CNTN3: variants seen among roughly 807,000 people sequenced by gnomAD.
CNTN3 encodes contactin 3, also known as contactin-3.
CNTN3 carries 60 observed loss-of-function variants against 119.1 expected under a neutral mutation model. That is an observed-to-expected ratio of 0.50 (90% CI 0.41 to 0.62). The LOEUF (loss-of-function observed/expected upper bound fraction) is 0.62, where lower values mean the gene tolerates loss of function less well. Among genes scored for constraint, CNTN3 ranks in the 20% least tolerant of loss-of-function variants. CNTN3 has a pLI of 0.00. For missense variants in CNTN3, 1,101 were observed against 1,242.4 expected, an observed-to-expected ratio of 0.89 and a Z score of 1.71; for synonymous variants, 450 against 438.7, an observed-to-expected ratio of 1.03 and a Z score of -0.32.
At chr3:74,335,745 C>T (rs1703377346) in intron 12 of CNTN3, among the ~76,000 whole-genome samples, 1 of 152,080 alleles carries the variant, frequency 6.6e-6, no homozygotes, top group African/African-American at 2.4e-5. Flanking sequence ...TGCAGCCACT[C>T]CACTTTTCAA....
intron 13 of CNTN3, among the ~76,000 whole-genome samples, chr3:74,303,655 C>T (rs921789939): frequency 1.3e-5 from 2 of 152,134 alleles, no homozygotes; most frequent in African/African-American, 4.8e-5. Flanking sequence ...ATCAAGATCA[C>T]ACCACTGCAC....
chr3:74,320,686 C>A (rs572032847), intron 13 of CNTN3, among the ~76,000 whole-genome samples: 137 of 152,058 alleles, frequency 9.0e-4, no homozygotes, highest in African/African-American at 2.9e-3. Flanking sequence ...ACAACAACAA[C>A]AAAAAATTCA....
At chr3:74,410,387 C>G (rs1301835984) in intron 5 of CNTN3, among the ~76,000 whole-genome samples, 2 of 152,140 alleles carry the variant, frequency 1.3e-5, no homozygotes, top group Non-Finnish European at 2.9e-5. Flanking sequence ...ATGTGAGTAT[C>G]TGTAAATGGT....
intron 1 of CNTN3, among the ~76,000 whole-genome samples, chr3:74,564,851 A>G (rs954404947): frequency 9.9e-5 from 15 of 152,166 alleles, no homozygotes; most frequent in African/African-American, 3.6e-4. Flanking sequence ...CTTGCAATTA[A>G]GAACTCCAAA....
chr3:74,349,681 TG>T (rs1453904635), intron 11 of CNTN3, among the ~76,000 whole-genome samples: 4 of 152,226 alleles, frequency 2.6e-5, no homozygotes, highest in Non-Finnish European at 1.5e-5. Flanking sequence ...AAAAGTAGCA[TG>T]TAATGATATT....
chr3:74,528,888 A>G (rs1703656462), intron 1 of CNTN3, among the ~76,000 whole-genome samples: 1 of 151,902 alleles, frequency 6.6e-6, no homozygotes, highest in Non-Finnish European at 1.5e-5. Flanking sequence ...CACCATCCCT[A>G]TAATAGGCAC....
intron 13 of CNTN3, among the ~76,000 whole-genome samples, chr3:74,318,749 G>A (rs1316623049): frequency 6.6e-6 from 1 of 152,070 alleles, no homozygotes; most frequent in East Asian, 1.9e-4. Flanking sequence ...GGCCATGTGA[G>A]GTGTCAGTCT....
intron 20 of CNTN3, among the ~76,000 whole-genome samples, chr3:74,268,456 T>C (rs1251378686): frequency 6.6e-6 from 1 of 152,166 alleles, no homozygotes; most frequent in African/African-American, 2.4e-5. Context: ...CATTGACTCA[T>C]GCCATAGGGG....
intron 2 of CNTN3, among the ~76,000 whole-genome samples, chr3:74,509,106 T>A (rs1170244893): frequency 6.6e-6 from 1 of 152,174 alleles, no homozygotes; most frequent in Non-Finnish European, 1.5e-5. Flanking sequence ...AAGCATTGTT[T>A]CTTAGAGCTA....
chr3:74,301,473 G>A lies in CNTN3; in HGVS notation c.2020C>T (p.Arg674Trp), dbSNP rs1575708550. 6 of 1,614,020 alleles carry A rather than the reference G, an allele frequency of 3.7e-6. No individual in the cohort carries two copies. Among genetic ancestry groups the A allele is most frequent in the South Asian group, 2.2e-5 (2 of 91,086 alleles). ...ELNPWVEYEFRVVASNKIGGG... is the reference protein window; with the variant it reads ...ELNPWVEYEFWVVASNKIGGG... ...CCAATTTTGTTACTGGCTACAACCC[G>A]AAATTCATATTCCACCCATGGGTTT... Residue 674 changes from arginine (R) to tryptophan (W), a missense_variant, in exon 16 of 23, where the codon CGG (arginine) becomes TGG (tryptophan). Transcript: ENST00000263665.
intron 1 of CNTN3, among the ~76,000 whole-genome samples, chr3:74,539,376 C>G (rs1347984394): frequency 4.6e-5 from 7 of 152,080 alleles, no homozygotes; most frequent in Non-Finnish European, 1.0e-4. Context: ...GGTGTTTAAT[C>G]TTTCCACCAG....
In CNTN3 at chr3:74,526,366, T is replaced by C. The variant is rs559018037; in HGVS notation, c.-80-5174A>G. Reference sequence around the variant, plus strand: ...CTCATGGTATGCAACCACACTAGCATGGTAGTCAACTAGTTAATGAGTATA... The same window carrying C: ...CTCATGGTATGCAACCACACTAGCACGGTAGTCAACTAGTTAATGAGTATA... On this transcript the variant is annotated intron_variant, in intron 1 of 22. Transcript: ENST00000263665. 3.5e-4 allele frequency among the ~76,000 whole-genome samples: 53 copies of C among 151,914 alleles called. No homozygotes were observed. The South Asian group carries it at 8.9e-3, about 26-fold the overall frequency.
At chr3:74,324,724 T>C (rs1703086777) in intron 13 of CNTN3, among the ~76,000 whole-genome samples, 1 of 151,914 alleles carries the variant, frequency 6.6e-6, no homozygotes, top group Non-Finnish European at 1.5e-5. Flanking sequence ...TATATCCCAC[T>C]CAATCCAAGA....
intron 13 of CNTN3, among the ~76,000 whole-genome samples, chr3:74,328,147 A>G (rs1703174357): frequency 6.6e-6 from 1 of 151,784 alleles, no homozygotes; most frequent in Admixed American, 6.6e-5. Context: ...CTGTTACTTC[A>G]ATTAATTACA....
At chr3:74,534,994 T>C (rs1703745074) in intron 1 of CNTN3, among the ~76,000 whole-genome samples, 1 of 152,054 alleles carries the variant, frequency 6.6e-6, no homozygotes, top group Admixed American at 6.6e-5. Flanking sequence ...TTGTGATGGT[T>C]ACTGCTATGA....
chr3:74,511,971 T>C (rs1703373505), intron 2 of CNTN3, among the ~76,000 whole-genome samples: 1 of 152,300 alleles, frequency 6.6e-6, no homozygotes, highest in South Asian at 2.1e-4. Flanking sequence ...TGATTTTTTT[T>C]CCCATTAATA....
chr3:74,348,010 G>GT (rs1703732682), intron 11 of CNTN3, among the ~76,000 whole-genome samples: 1 of 152,190 alleles, frequency 6.6e-6, no homozygotes. Context: ...AAAGTAGAAT[G>GT]GTGATTGCCT....
intron 1 of CNTN3, among the ~76,000 whole-genome samples, chr3:74,524,957 C>T (rs968022114): frequency 6.6e-6 from 1 of 151,592 alleles, no homozygotes; most frequent in Non-Finnish European, 1.5e-5. Flanking sequence ...CAAAGCTCAG[C>T]GTGGTATGAA....
chr3:74,451,300 C>T (rs893929870), intron 4 of CNTN3, among the ~76,000 whole-genome samples: 2 of 152,176 alleles, frequency 1.3e-5, no homozygotes, highest in Non-Finnish European at 2.9e-5. Context: ...TTTTTGGCTG[C>T]ATAAATGTCT....
Sources: allele counts gnomAD v4.1 joint callset (sites outside exome capture counted in the v4.1 genomes callset), GRCh38; gene constraint gnomAD v4.1.1; transcripts MANE v1.5; gene names NCBI Gene and HGNC (gene_info 2026-07-23, HGNC 2026-07-21).